The following RXRA variants were observed in gnomAD, a reference collection of about 807,000 sequenced individuals.
RXRA encodes the protein retinoic acid receptor RXR-alpha.
Under a neutral mutation model 44.5 loss-of-function variants are expected in RXRA, and 5 were observed. The observed-to-expected ratio is 0.11, with a 90% CI of 0.06 to 0.24. The LOEUF is 0.24. Ranked by LOEUF, RXRA falls within the 10% of genes least tolerant of loss-of-function variation. The pLI, the probability that RXRA is intolerant of heterozygous loss-of-function variation, is 1.00. For synonymous variants in RXRA, 291 were observed against 271.4 expected, an observed-to-expected ratio of 1.07 and a Z score of -0.71; for missense variants, 412 against 646.5, an observed-to-expected ratio of 0.64 and a Z score of 3.93.
intron 1 of RXRA, among the ~76,000 whole-genome samples, chr9:134,335,868 C>T (rs1333744940): frequency 6.6e-6 from 1 of 152,176 alleles, no homozygotes; most frequent in African/African-American, 2.4e-5. Flanking sequence ...CCTGTAGTGC[C>T]CTGTGGTCCT....
chr9:134,418,485 C>T (rs909488685), intron 5 of RXRA, among the ~76,000 whole-genome samples: 1 of 152,254 alleles, frequency 6.6e-6, no homozygotes, highest in African/African-American at 2.4e-5. Context: ...CTCTGTGGGC[C>T]CAGGCACACC....
intron 1 of RXRA, among the ~76,000 whole-genome samples, chr9:134,373,160 G>A (rs1830510991): frequency 6.6e-6 from 1 of 152,188 alleles, no homozygotes; most frequent in South Asian, 2.1e-4. Context: ...AGCTGGGGGT[G>A]GTCAGGAGCC....
Position 134,423,135 on chromosome 9 carries a change from G to C in RXRA, c.910+1330G>C, listed in dbSNP as rs948999479. 4.1e-6 allele frequency: 4 copies of C among 985,350 alleles called. No individual in the cohort carries two copies. The African/African-American group carries it at 7.0e-5, about 17-fold the overall frequency. 61.0% of individuals were successfully genotyped at this position (985,350 alleles called of 1,614,324 possible). On this transcript the variant is annotated intron_variant, in intron 6 of 9. Transcript: ENST00000481739. ...CCCCACCTGGAAAGGGGGTGTGAGGGGCGTGCTGACTGGGGCTGGTTCTTG... is the reference window on the plus strand; with the variant it reads ...CCCCACCTGGAAAGGGGGTGTGAGGCGCGTGCTGACTGGGGCTGGTTCTTG...
chr9:134,369,167 G>T (rs1475051649), intron 1 of RXRA, among the ~76,000 whole-genome samples: 1 of 80,422 alleles, frequency 1.2e-5, no homozygotes, highest in African/African-American at 5.4e-5. Flanking sequence ...TGCGGGGCTT[G>T]TGTGTGTGTG....
At chr9:134,336,022 C>T (rs562562639) in intron 1 of RXRA, among the ~76,000 whole-genome samples, 18 of 152,326 alleles carry the variant, frequency 1.2e-4, no homozygotes, top group African/African-American at 1.7e-4. Context: ...GCAGAGTCCA[C>T]GGGAGGCGGT....
intron 6 of RXRA, chr9:134,425,791 A>G (rs1831424463): frequency 1.9e-5 from 19 of 985,324 alleles, no homozygotes; most frequent in Non-Finnish European, 2.3e-5. Context: ...CACAAGCCCC[A>G]TGGGGACAGC....
At chr9:134,424,732 G>T (rs1588305503) in intron 6 of RXRA, 13 of 985,354 alleles carry the variant, frequency 1.3e-5, no homozygotes, top group Non-Finnish European at 1.6e-5. Context: ...AGAGGACCTG[G>T]GTTAACTCCA....
At chr9:134,377,243 C>T (rs1030424302) in intron 1 of RXRA, among the ~76,000 whole-genome samples, 13 of 152,348 alleles carry the variant, frequency 8.5e-5, no homozygotes, top group Admixed American at 5.9e-4. Context: ...TGATCTCCGC[C>T]AGCCCCAGGG....
At position 134,433,201 on chromosome 9, in the gene RXRA, C is replaced by T. The variant is rs1352286263; in HGVS notation, c.1136-901C>T. Among the ~76,000 whole-genome samples the T allele has an allele frequency of 2.0e-5, 3 of 152,154 alleles. No individual in the cohort carries two copies. The highest frequency in any genetic ancestry group is 2.0e-4 in the Admixed American group (3 of 15,268). On this transcript the variant is annotated intron_variant, in intron 8 of 9. Transcript: ENST00000481739. The surrounding 1 kb of genome is among the most constrained non-coding windows in gnomAD (Gnocchi z 4.2). ...TATCACCCAGGCTGTGCATCCGGGC[C>T]GTAATCCTGCCAGCTCGGAGGCTGA...
chr9:134,369,371 G>A (rs756890662), intron 1 of RXRA, among the ~76,000 whole-genome samples: 40 of 125,400 alleles, frequency 3.2e-4, no homozygotes, highest in Non-Finnish European at 5.4e-4. Flanking sequence ...GTGTGTGTGC[G>A]GGGGTTGTGT....
chr9:134,393,873 C>G (rs1029695466), intron 1 of RXRA, among the ~76,000 whole-genome samples: 10 of 152,138 alleles, frequency 6.6e-5, no homozygotes, highest in Admixed American at 6.5e-4. Context: ...AACCCCAGCG[C>G]CCCTGGGCTG....
intron 1 of RXRA, among the ~76,000 whole-genome samples, chr9:134,373,549 T>C (rs1830516186): frequency 6.6e-6 from 1 of 152,244 alleles, no homozygotes; most frequent in African/African-American, 2.4e-5. Flanking sequence ...CAGATCTTCC[T>C]GTCTATCACC....
intron 4 of RXRA, among the ~76,000 whole-genome samples, chr9:134,409,445 C>T (rs1218023610): frequency 6.6e-6 from 1 of 152,218 alleles, no homozygotes; most frequent in East Asian, 1.9e-4. Context: ...CAGGGGTGGT[C>T]CCGGGCCAGC....
chr9:134,391,643 T>G (rs1213807113), intron 1 of RXRA, among the ~76,000 whole-genome samples: 1 of 152,172 alleles, frequency 6.6e-6, no homozygotes, highest in Non-Finnish European at 1.5e-5. Context: ...CAGGAGCCCC[T>G]GCCTGGCCCT....
At chr9:134,423,548 A>G in intron 6 of RXRA, 1 of 985,398 alleles carries the variant, frequency 1.0e-6, no homozygotes, top group Non-Finnish European at 1.2e-6. Flanking sequence ...CCCTCCTGGA[A>G]GGACTCTTCT....
chr9:134,407,066 G>A lies in RXRA; in HGVS notation c.280-1083G>A, dbSNP rs1340624573. 1.3e-5 allele frequency among the ~76,000 whole-genome samples: 2 copies of A among 152,218 alleles called. No individual in the cohort carries two copies. The highest frequency in any genetic ancestry group is 2.9e-5 in the Non-Finnish European group (2 of 68,036). ...CCCACCTGAGTCCTGCAGGGACCAA[G>A]CATCCTTGTAAAGCCTCACAGCCCA... On this transcript the variant is annotated intron_variant, in intron 2 of 9. Transcript: ENST00000481739. The surrounding 1 kb of genome is among the most constrained non-coding windows in gnomAD (Gnocchi z 4.8).
chr9:134,408,595 T>G (rs1015455326), intron 3 of RXRA, among the ~76,000 whole-genome samples: 2 of 152,208 alleles, frequency 1.3e-5, no homozygotes, highest in African/African-American at 4.8e-5. Flanking sequence ...GTGCTGCGCC[T>G]CCTCCCTTGG....
In RXRA at chr9:134,380,088, C is replaced by T. The variant is rs188583574; in HGVS notation, c.29-21544C>T. 28 of 985,466 alleles carry T rather than the reference C, an allele frequency of 2.8e-5. No homozygotes were observed. In the African/African-American group the frequency reaches 4.0e-4, roughly 14 times the overall value. The allele number at this position is 985,466 out of a possible 1,614,324, so 61.0% of individuals were successfully genotyped here. A position where few individuals can be genotyped will look rare whatever the true frequency, so the allele number is the denominator to read the frequency against. ...CTCTCCCCTGCAGCCCCTCTGTTGT[C>T]GTGGTCAGTCGTGCCGCCTGAGGGC... On this transcript the variant is annotated intron_variant, in intron 1 of 9. Coordinates refer to ENST00000481739, the MANE Select transcript of RXRA (RefSeq NM_002957.6).
At chr9:134,386,261 G>A (rs1328918334) in intron 1 of RXRA, among the ~76,000 whole-genome samples, 8 of 152,238 alleles carry the variant, frequency 5.3e-5, no homozygotes, top group Non-Finnish European at 7.3e-5. Flanking sequence ...TGAGCCCGCC[G>A]GCCAGCGGCC....
Sources: allele counts gnomAD v4.1 joint callset (sites outside exome capture counted in the v4.1 genomes callset), GRCh38; gene constraint gnomAD v4.1.1; non-coding constraint Gnocchi (gnomAD v3.1); transcripts MANE v1.5; gene names NCBI Gene and HGNC (gene_info 2026-07-23, HGNC 2026-07-21).